The following MACROD2 variants were observed in gnomAD, a reference collection of about 807,000 sequenced individuals.
MACROD2 encodes the protein ADP-ribose glycohydrolase MACROD2.
In MACROD2, 36 loss-of-function variants were observed where a neutral mutation model predicts 70.4. The observed-to-expected ratio is 0.51, with a 90% CI of 0.39 to 0.68. The LOEUF (loss-of-function observed/expected upper bound fraction) is 0.68, where lower values mean the gene tolerates loss of function less well. Among genes scored for constraint, MACROD2 ranks in the 30% least tolerant of loss-of-function variants. The probability of loss-of-function intolerance (pLI) is 0.00; values close to 1 mark genes in which losing one functional copy is unlikely to be tolerated. For missense variants in MACROD2, 496 were observed against 538.4 expected (o/e 0.92, Z 0.78); for synonymous variants, 172 against 178.8 (o/e 0.96, Z 0.30).
At chr20:14,618,979 A>G (rs1259563247) in intron 4 of MACROD2, among the ~76,000 whole-genome samples, 8 of 152,140 alleles carry the variant, frequency 5.3e-5, no homozygotes, top group Non-Finnish European at 8.8e-5. Context: ...TGTATAAAAT[A>G]TGAAATAACA....
chr20:15,457,071 TTTTTA>T (rs1190665472), intron 7 of MACROD2, among the ~76,000 whole-genome samples: 62 of 147,748 alleles, frequency 4.2e-4, no homozygotes, highest in African/African-American at 1.1e-3. Flanking sequence ...TTTTTTTTTT[TTTTTA>T]AAAAAAAAGC....
intron 3 of MACROD2, among the ~76,000 whole-genome samples, chr20:14,272,447 G>A (rs2082204803): frequency 6.6e-6 from 1 of 151,786 alleles, no homozygotes; most frequent in African/African-American, 2.4e-5. Context: ...CAAATGCTGA[G>A]AGATTTTGTC....
At chr20:14,081,217 C>T (rs1397586531) in intron 2 of MACROD2, among the ~76,000 whole-genome samples, 1 of 152,190 alleles carries the variant, frequency 6.6e-6, no homozygotes, top group Non-Finnish European at 1.5e-5. Flanking sequence ...GAATACTGTT[C>T]AGGCTCTATA....
At chr20:15,099,445 G>A (rs1464293311) in intron 5 of MACROD2, among the ~76,000 whole-genome samples, 7 of 152,170 alleles carry the variant, frequency 4.6e-5, no homozygotes, top group African/African-American at 1.4e-4. Context: ...ACAGTGAGAA[G>A]CTGACTGTCT....
At chr20:15,489,149 T>C (rs537333596) in intron 7 of MACROD2, among the ~76,000 whole-genome samples, 3 of 152,316 alleles carry the variant, frequency 2.0e-5, no homozygotes, top group East Asian at 1.9e-4. Flanking sequence ...AAAGAAAAAG[T>C]GTCTCAAGAC....
chr20:15,766,946 C>T (rs2147008220), intron 8 of MACROD2, among the ~76,000 whole-genome samples: 1 of 152,290 alleles, frequency 6.6e-6, no homozygotes, highest in Non-Finnish European at 1.5e-5. Flanking sequence ...CCTTGCACAA[C>T]ACTTTTCATG....
chr20:15,631,513 T>C (rs1247854602), intron 8 of MACROD2, among the ~76,000 whole-genome samples: 1 of 152,032 alleles, frequency 6.6e-6, no homozygotes, highest in Non-Finnish European at 1.5e-5. Flanking sequence ...AGAAAGTAAA[T>C]GAGAACATTG....
At chr20:15,654,671 G>A (rs1027913359) in intron 8 of MACROD2, among the ~76,000 whole-genome samples, 1 of 152,210 alleles carries the variant, frequency 6.6e-6, no homozygotes, top group African/African-American at 2.4e-5. Flanking sequence ...CTCAGAGTCA[G>A]AATGGAGACG....
At position 14,359,976 on chromosome 20, in the gene MACROD2, T is replaced by C. The variant is rs533360653; in HGVS notation, c.272-133503T>C. On this transcript the variant is annotated intron_variant, in intron 3 of 17. Coordinates refer to ENST00000684519, the MANE Select transcript of MACROD2 (RefSeq NM_001351661.2). ...ACAGCATGGATTAACGTGGAGAACG[T>C]TATCTTAAATGAAACAAGCCAGACA... 1.8e-4 allele frequency among the ~76,000 whole-genome samples: 28 copies of C among 152,074 alleles called. No homozygotes were observed. The South Asian group carries it at 2.3e-3, about 12-fold the overall frequency.
chr20:14,018,903 G>T (rs534949704), intron 2 of MACROD2, among the ~76,000 whole-genome samples: 1 of 152,146 alleles, frequency 6.6e-6, no homozygotes, highest in East Asian at 1.9e-4. Context: ...GGCAGTGCTC[G>T]AATCTGTCTC....
intron 3 of MACROD2, among the ~76,000 whole-genome samples, chr20:14,105,867 C>A (rs547650962): frequency 6.6e-6 from 1 of 152,172 alleles, no homozygotes; most frequent in South Asian, 2.1e-4. Flanking sequence ...CTGGCCCTAA[C>A]AGGCCAAAAG....
chr20:15,304,547 C>T (rs183738325), intron 6 of MACROD2, among the ~76,000 whole-genome samples: 5 of 152,274 alleles, frequency 3.3e-5, no homozygotes, highest in East Asian at 1.9e-4. Flanking sequence ...CAGTACCCCT[C>T]CCCATCTCTT....
chr20:14,607,418 G>GC (rs1415068607), intron 4 of MACROD2, among the ~76,000 whole-genome samples: 2 of 152,162 alleles, frequency 1.3e-5, no homozygotes, highest in Non-Finnish European at 2.9e-5. Flanking sequence ...TAGGGAGGTA[G>GC]CCAAGGAACA....
intron 5 of MACROD2, among the ~76,000 whole-genome samples, chr20:15,141,088 G>A (rs544806142): frequency 6.6e-6 from 1 of 152,058 alleles, no homozygotes; most frequent in African/African-American, 2.4e-5. Context: ...GAATTTACAT[G>A]CATACAGGCA....
chr20:15,134,685 A>G (rs1407861980), intron 5 of MACROD2, among the ~76,000 whole-genome samples: 2 of 152,026 alleles, frequency 1.3e-5, no homozygotes, highest in Non-Finnish European at 2.9e-5. Flanking sequence ...AACACATTCA[A>G]AAGCTAGCAG....
At chr20:14,192,182 C>T (rs1328854352) in intron 3 of MACROD2, among the ~76,000 whole-genome samples, 1 of 152,038 alleles carries the variant, frequency 6.6e-6, no homozygotes, top group Non-Finnish European at 1.5e-5. Flanking sequence ...TTGGGATTAT[C>T]TATTATGACG....
intron 3 of MACROD2, among the ~76,000 whole-genome samples, chr20:14,381,161 G>A (rs2083417148): frequency 6.6e-6 from 1 of 152,034 alleles, no homozygotes; most frequent in Non-Finnish European, 1.5e-5. Flanking sequence ...TTGATATAAG[G>A]TTATTTTGCC....
Position 15,966,510 on chromosome 20 carries a change from G to A in MACROD2, c.908-1043G>A, listed in dbSNP as rs190431343. Among the ~76,000 whole-genome samples, 32 of 152,298 alleles carry A rather than the reference G, an allele frequency of 2.1e-4. No individual in the cohort carries two copies. In the East Asian group the frequency reaches 6.0e-3, roughly 29 times the overall value. The stretch of plus-strand genomic sequence containing the variant: ...TAATCCCAGCACTTTGGGGGTATGA[G>A]GCAGGAGGATCCTTTGAGGCCAGGA... On this transcript the variant is annotated intron_variant, in intron 12 of 17. Coordinates refer to ENST00000684519, the MANE Select transcript of MACROD2 (RefSeq NM_001351661.2).
chr20:15,777,502 CTT>C, intron 8 of MACROD2, among the ~76,000 whole-genome samples: 1 of 65,364 alleles, frequency 1.5e-5, no homozygotes, highest in Non-Finnish European at 2.7e-5. Flanking sequence ...TTTTTCCTTC[CTT>C]CCTTCTTTCC....
Sources: gnomAD v4.1 joint callset for allele counts (sites outside exome capture counted in the v4.1 genomes callset) on GRCh38, gnomAD v4.1.1 for gene constraint, MANE v1.5 for transcripts, NCBI Gene and HGNC (gene_info 2026-07-23, HGNC 2026-07-21) for gene names.